Variants in PPARG observed in about 807,000 individuals in gnomAD.
PPARG encodes peroxisome proliferator-activated receptor gamma.
PPARG carries 17 observed loss-of-function variants against 39.2 expected under a neutral mutation model. That is an observed-to-expected ratio of 0.43 (90% CI 0.30 to 0.65). PPARG has a LOEUF of 0.65. Among genes scored for constraint, PPARG ranks in the 30% least tolerant of loss-of-function variants. PPARG has a pLI of 0.13. For synonymous variants in PPARG, 223 were observed against 215.7 expected (o/e 1.03, Z -0.30); for missense variants, 406 against 585.9 (o/e 0.69, Z 3.17).
chr3:12,393,576 A>G (rs1055427096), intron 5 of PPARG, among the ~76,000 whole-genome samples: 1 of 152,148 alleles, frequency 6.6e-6, no homozygotes, highest in Non-Finnish European at 1.5e-5. Context: ...ACTTGATAGT[A>G]TTATATGTGT....
chr3:12,360,809 T>TA (rs1248952638), intron 2 of PPARG, among the ~76,000 whole-genome samples: 6 of 152,256 alleles, frequency 3.9e-5, no homozygotes, highest in African/African-American at 1.4e-4. Flanking sequence ...TGTATAAATA[T>TA]ATCACAACAT....
chr3:12,381,952 C>T (rs989237356), intron 4 of PPARG, among the ~76,000 whole-genome samples: 15 of 150,942 alleles, frequency 9.9e-5, no homozygotes, highest in Admixed American at 7.9e-4. Context: ...TTTGCTATAC[C>T]GTGTAATATT....
At chr3:12,340,710 G>A (rs114854305) in intron 2 of PPARG, among the ~76,000 whole-genome samples, 1,807 of 152,254 alleles carry the variant, frequency 0.012, 51 homozygotes, top group African/African-American at 0.042. Flanking sequence ...TTTTCCTAAA[G>A]CTATGCAGAC....
chr3:12,389,768 A>AT (rs1402758976), intron 4 of PPARG, among the ~76,000 whole-genome samples: 2 of 152,086 alleles, frequency 1.3e-5, no homozygotes, highest in Non-Finnish European at 2.9e-5. Flanking sequence ...ATGGTGGTGC[A>AT]TGCCTATAAT....
intron 7 of PPARG, among the ~76,000 whole-genome samples, chr3:12,425,744 G>A (rs2051421066): frequency 6.6e-6 from 1 of 152,162 alleles, no homozygotes; most frequent in Non-Finnish European, 1.5e-5. Context: ...CCCTGGTCCT[G>A]ACAAAAAGGT....
At chr3:12,371,379 A>G (rs923344923) in intron 2 of PPARG, among the ~76,000 whole-genome samples, 2 of 152,212 alleles carry the variant, frequency 1.3e-5, no homozygotes, top group Non-Finnish European at 2.9e-5. Context: ...TGTACTTACT[A>G]TGTAAAAACA....
intron 5 of PPARG, among the ~76,000 whole-genome samples, chr3:12,399,904 T>C (rs1249474810): frequency 6.6e-6 from 1 of 151,208 alleles, no homozygotes; most frequent in Non-Finnish European, 1.5e-5. Flanking sequence ...GCAGAATGAT[T>C]GCTTGAGCCC....
chr3:12,433,574 T>A (rs554488653), intron 7 of PPARG, among the ~76,000 whole-genome samples: 2 of 151,422 alleles, frequency 1.3e-5, no homozygotes, highest in South Asian at 4.2e-4. Context: ...AAAAGGAGAT[T>A]TCTGAGTAGA....
At chr3:12,305,044 T>C (rs568272325) in intron 1 of PPARG, among the ~76,000 whole-genome samples, 8 of 152,248 alleles carry the variant, frequency 5.3e-5, no homozygotes, top group Non-Finnish European at 5.9e-5. Flanking sequence ...TCTTTCCTCC[T>C]CTTTTCCCCT....
intron 6 of PPARG, among the ~76,000 whole-genome samples, chr3:12,407,653 T>G (rs1384612424): frequency 2.0e-5 from 3 of 152,202 alleles, no homozygotes; most frequent in Admixed American, 6.5e-5. Flanking sequence ...TATGTGTAAC[T>G]TTTCCCCTAT....
intron 1 of PPARG, among the ~76,000 whole-genome samples, chr3:12,295,053 G>A (rs982612278): frequency 6.6e-6 from 1 of 152,146 alleles, no homozygotes; most frequent in African/African-American, 2.4e-5. Flanking sequence ...TAGCAGTTAG[G>A]TATGGGCTAC....
chr3:12,428,221 G>C (rs969355763), intron 7 of PPARG, among the ~76,000 whole-genome samples: 1 of 152,244 alleles, frequency 6.6e-6, no homozygotes, highest in Non-Finnish European at 1.5e-5. Flanking sequence ...ATCTGGACGA[G>C]ATGGAAGCTT....
intron 5 of PPARG, among the ~76,000 whole-genome samples, chr3:12,399,984 T>TAAAAAAA (rs79659234): frequency 7.3e-6 from 1 of 137,736 alleles, no homozygotes; most frequent in East Asian, 2.1e-4. Context: ...ACCCTGTCTC[T>TAAAAAAA]AAAAAAAAAA....
chr3:12,430,606 C>T (rs1442945024), intron 7 of PPARG, among the ~76,000 whole-genome samples: 1 of 152,138 alleles, frequency 6.6e-6, no homozygotes, highest in Non-Finnish European at 1.5e-5. Flanking sequence ...GTATATAAGG[C>T]CCTTGGCACG....
Position 12,405,981 on chromosome 3 carries a change from G to T in PPARG, c.629G>T (p.Arg210Leu). 1 of 1,614,094 alleles carries T rather than the reference G, an allele frequency of 6.2e-7. No homozygotes were observed. The highest frequency in any genetic ancestry group is 8.5e-7 in the Non-Finnish European group (1 of 1,180,006). ...CTGAATCCAGAGTCCGCTGACCTCC[G>T]GGCCCTGGCAAAACATTTGTATGAC... Reference protein sequence around the residue: ...DQLNPESADLRALAKHLYDSY... With the variant: ...DQLNPESADLLALAKHLYDSY... Residue 210 changes from arginine to leucine, a missense_variant, in exon 6 of 8, where the codon CGG (arginine) becomes CTG (leucine). Transcript: ENST00000651735.
chr3:12,363,049 T>G (rs1303356591), intron 2 of PPARG, among the ~76,000 whole-genome samples: 1 of 152,030 alleles, frequency 6.6e-6, no homozygotes, highest in African/African-American at 2.4e-5. Context: ...CCTCTTCCAG[T>G]AGCTGGGACC....
intron 1 of PPARG, among the ~76,000 whole-genome samples, chr3:12,294,254 TTC>T (rs1203663477): frequency 1.3e-5 from 2 of 152,248 alleles, no homozygotes; most frequent in East Asian, 3.8e-4. Flanking sequence ...ATCATTTTTT[TTC>T]TCTTAGTCAA....
At chr3:12,351,423 T>G in intron 2 of PPARG, 1 of 657,458 alleles carries the variant, frequency 1.5e-6, no homozygotes, top group Non-Finnish European at 2.7e-6. Context: ...GCCCAGTCCT[T>G]TCTGTGTTTA....
At chr3:12,311,891 C>A (rs1409956237) in intron 1 of PPARG, among the ~76,000 whole-genome samples, 1 of 152,156 alleles carries the variant, frequency 6.6e-6, no homozygotes, top group Non-Finnish European at 1.5e-5. Context: ...TCACCTTAGG[C>A]TTAATAACCA....
Sources: allele counts gnomAD v4.1 joint callset (sites outside exome capture counted in the v4.1 genomes callset), GRCh38; gene constraint gnomAD v4.1.1; transcripts MANE v1.5; gene names NCBI Gene and HGNC (gene_info 2026-07-23, HGNC 2026-07-21).